Variants in ZNF516 observed in about 807,000 individuals in gnomAD.
The protein encoded by ZNF516 is zinc finger protein 516.
ZNF516 carries 19 observed loss-of-function variants against 79.7 expected under a neutral mutation model. The observed-to-expected ratio is 0.24, with a 90% CI of 0.17 to 0.35. ZNF516 has a LOEUF of 0.35. Ranked by LOEUF, ZNF516 falls within the 10% of genes least tolerant of loss-of-function variation. ZNF516 has a pLI of 1.00. For missense variants in ZNF516, 1,678 were observed against 1,679.5 expected (o/e 1.00, Z 0.02); for synonymous variants, 877 against 739.5 (o/e 1.19, Z -3.02).
At chr18:76,384,185 G>A (rs995710329) in intron 3 of ZNF516, among the ~76,000 whole-genome samples, 3 of 152,032 alleles carry the variant, frequency 2.0e-5, no homozygotes, top group Admixed American at 1.3e-4. Context: ...GAAATTAAGC[G>A]CCACCACTGG....
At chr18:76,401,506 T>A (rs918797831) in intron 3 of ZNF516, among the ~76,000 whole-genome samples, 1 of 152,004 alleles carries the variant, frequency 6.6e-6, no homozygotes, top group Non-Finnish European at 1.5e-5. Flanking sequence ...AAGTACTACA[T>A]CAAAAAGCTG....
intron 3 of ZNF516, among the ~76,000 whole-genome samples, chr18:76,429,244 G>C (rs2075632458): frequency 6.6e-6 from 1 of 152,256 alleles, no homozygotes; most frequent in South Asian, 2.1e-4. Flanking sequence ...GAGGGTCCCA[G>C]GAGGAAACAG....
At position 76,443,143 on chromosome 18, in the gene ZNF516, C is replaced by A; in HGVS notation, c.-89G>T. On this transcript the variant is annotated 5_prime_UTR_variant, in exon 3 of 7. Coordinates refer to ENST00000443185, the MANE Select transcript of ZNF516 (RefSeq NM_014643.4). ...TCCTATCTCTCCATGGTCAGAAGAG[C>A]CAAAAGACGTGCCTGCTCCCAGGAG... 2 of 1,462,524 alleles carry A rather than the reference C, an allele frequency of 1.4e-6. No homozygotes were observed. The highest frequency in any genetic ancestry group is 1.4e-5 in the South Asian group (1 of 73,324). 90.6% of individuals were successfully genotyped at this position (1,462,524 alleles called of 1,614,324 possible). A position where few individuals can be genotyped will look rare whatever the true frequency, so the allele number is the denominator to read the frequency against.
chr18:76,434,642 G>A (rs937301929), intron 3 of ZNF516, among the ~76,000 whole-genome samples: 2 of 152,318 alleles, frequency 1.3e-5, no homozygotes, highest in East Asian at 1.9e-4. Flanking sequence ...CCCGGCCTGC[G>A]TACAACATGG....
chr18:76,363,716 ATC>A (rs963857117), intron 6 of ZNF516, among the ~76,000 whole-genome samples: 5 of 152,366 alleles, frequency 3.3e-5, no homozygotes, highest in African/African-American at 1.2e-4. Flanking sequence ...CCGTGAAGAC[ATC>A]TCTGAGGTTC....
In ZNF516 at chr18:76,378,860, T is replaced by A; in HGVS notation, c.3254A>T (p.His1085Leu). The change falls in exon 4 of 7, where the codon CAC (histidine) becomes CTC (leucine). Residue 1085 changes from histidine (H) to leucine (L), a missense_variant. Physicochemically the swap from His to Leu is moderately conservative, Grantham distance 99. Around this residue, in one of 5 missense-constraint regions of ZNF516, gnomAD observed 1,294 missense variants for 1,248.3 expected, o/e 1.04. Coordinates refer to ENST00000443185, the MANE Select transcript of ZNF516 (RefSeq NM_014643.4). ...GWGVSGPGLE[H>L]RGTLRTQARP... Reference sequence around the variant, plus strand: ...AGAGGGCCCGCACATCTTACCTCTGTGCTCCAACCCAGGGCCGCTGACACC... The same window carrying A: ...AGAGGGCCCGCACATCTTACCTCTGAGCTCCAACCCAGGGCCGCTGACACC... 2 of 1,612,566 alleles carry A rather than the reference T, an allele frequency of 1.2e-6. No homozygotes were observed. The highest frequency in any genetic ancestry group is 1.1e-5 in the South Asian group (1 of 90,954).
chr18:76,473,904 G>GTGTGTT (rs1555718878), intron 1 of ZNF516, among the ~76,000 whole-genome samples: 1 of 63,032 alleles, frequency 1.6e-5, no homozygotes, highest in Non-Finnish European at 3.8e-5. Context: ...GTTTTTGTGT[G>GTGTGTT]GGGGGGGGGG....
chr18:76,443,184 G>T lies in ZNF516; in HGVS notation c.-130C>A, dbSNP rs903194165. 1.3e-4 allele frequency: 177 copies of T among 1,351,954 alleles called. No individual in the cohort carries two copies. The highest frequency in any genetic ancestry group is 1.6e-4 in the Non-Finnish European group (170 of 1,030,774). 83.7% of individuals were successfully genotyped at this position (1,351,954 alleles called of 1,614,324 possible). ...CTCCCAGGAGGTGCACCTTCTACAT[G>T]GGGGGCGCAGCAGCTGGCAGCCAGC... On this transcript the variant is annotated 5_prime_UTR_variant, in exon 3 of 7. Transcript: ENST00000443185.
At position 76,451,465 on chromosome 18, in the gene ZNF516, C is replaced by A. The variant is rs1221104261; in HGVS notation, c.-157-8254G>T. Among the ~76,000 whole-genome samples the A allele has an allele frequency of 6.6e-6, 1 of 152,166 alleles. No individual in the cohort carries two copies. Among genetic ancestry groups the A allele is most frequent in the Non-Finnish European group, 1.5e-5 (1 of 68,044 alleles). ...GAGGGAGGGAAAACGCCAAAAAGCT[C>A]AAAGCAGACAGAATGCTTCCGATAT... On this transcript the variant is annotated intron_variant, in intron 2 of 6. Coordinates refer to ENST00000443185, the MANE Select transcript of ZNF516 (RefSeq NM_014643.4). This position sits in a 1 kb window ranked among gnomAD's most constrained non-coding sequence, Gnocchi z 6.0.
At chr18:76,478,523 AT>A (rs1338781079) in intron 1 of ZNF516, among the ~76,000 whole-genome samples, 3 of 152,236 alleles carry the variant, frequency 2.0e-5, no homozygotes, top group Non-Finnish European at 2.9e-5. Context: ...AAAATAAACA[AT>A]TTTTTAATCT....
chr18:76,404,622 T>A (rs1051203293), intron 3 of ZNF516, among the ~76,000 whole-genome samples: 4 of 152,216 alleles, frequency 2.6e-5, no homozygotes, highest in Middle Eastern at 3.2e-3. Context: ...TTTGTAAGTA[T>A]GAGTGCACCT....
intron 2 of ZNF516, among the ~76,000 whole-genome samples, chr18:76,445,556 A>G (rs1000908954): frequency 6.6e-6 from 1 of 152,200 alleles, no homozygotes; most frequent in Non-Finnish European, 1.5e-5. Flanking sequence ...TGGATGTGGT[A>G]TAAAAACCTT....
intron 3 of ZNF516, chr18:76,386,095 T>G (rs1330114457): frequency 6.6e-6 from 1 of 152,266 alleles, no homozygotes; most frequent in African/African-American, 2.4e-5. Context: ...ATTATTTCTT[T>G]CCACCCATAA....
chr18:76,360,810 A>G lies in ZNF516; in HGVS notation c.*1688T>C, dbSNP rs2074524933. The G allele has an allele frequency of 6.9e-6, 1 of 143,986 alleles. No homozygotes were observed. The highest frequency in any genetic ancestry group is 1.5e-5 in the Non-Finnish European group (1 of 66,844). 8.9% of individuals were successfully genotyped at this position (143,986 alleles called of 1,614,324 possible). A position where few individuals can be genotyped will look rare whatever the true frequency, so the allele number is the denominator to read the frequency against. ...TAACAATAACAATAATAATAATAAT[A>G]ATAATAATAATATAATAATATTCAA... On this transcript the variant is annotated 3_prime_UTR_variant, in exon 7 of 7. Transcript: ENST00000443185.
At chr18:76,382,944 G>A (rs2074917164) in intron 3 of ZNF516, among the ~76,000 whole-genome samples, 1 of 149,812 alleles carries the variant, frequency 6.7e-6, no homozygotes, top group Non-Finnish European at 1.5e-5. Flanking sequence ...GCTGAGGCAG[G>A]AGATTCCCTT....
chr18:76,418,659 G>A (rs527749841), intron 3 of ZNF516, among the ~76,000 whole-genome samples: 18 of 152,130 alleles, frequency 1.2e-4, no homozygotes, highest in Admixed American at 1.0e-3. Context: ...GTGCTTCTGG[G>A]TTACCTCTAA....
intron 3 of ZNF516, among the ~76,000 whole-genome samples, chr18:76,410,547 G>A (rs778265570): frequency 2.8e-4 from 43 of 152,296 alleles, no homozygotes; most frequent in Admixed American, 4.6e-4. Context: ...TTCAGGTACC[G>A]AGACGCTTTT....
intron 3 of ZNF516, among the ~76,000 whole-genome samples, chr18:76,414,466 A>AT (rs1412142148): frequency 6.6e-6 from 1 of 152,196 alleles, no homozygotes; most frequent in African/African-American, 2.4e-5. Context: ...CCAGCTGGCA[A>AT]TACAGGCAAT....
chr18:76,424,006 C>T (rs1316132329), intron 3 of ZNF516, among the ~76,000 whole-genome samples: 3 of 124,940 alleles, frequency 2.4e-5, no homozygotes, highest in African/African-American at 9.4e-5. Context: ...AAAAAGGCTT[C>T]ACCCCTGAAA....
Sources: allele counts gnomAD v4.1 joint callset (sites outside exome capture counted in the v4.1 genomes callset), GRCh38; gene constraint gnomAD v4.1.1; regional missense constraint gnomAD v4.1.1; non-coding constraint Gnocchi (gnomAD v3.1); transcripts MANE v1.5; gene names NCBI Gene and HGNC (gene_info 2026-07-23, HGNC 2026-07-21).